Variants in INPP4B observed in about 807,000 individuals in gnomAD.
The protein encoded by INPP4B is inositol polyphosphate-4-phosphatase type II B.
INPP4B carries 55 observed loss-of-function variants against 122.5 expected under a neutral mutation model. That is an observed-to-expected ratio of 0.45 (90% CI 0.36 to 0.56). The LOEUF is 0.56. Ranked by LOEUF, INPP4B falls within the 20% of genes least tolerant of loss-of-function variation. INPP4B has a pLI of 0.00. For missense variants in INPP4B, 1,000 were observed against 1,097.7 expected, an observed-to-expected ratio of 0.91 and a Z score of 1.26; for synonymous variants, 403 against 388.7, an observed-to-expected ratio of 1.04 and a Z score of -0.43.
intron 3 of INPP4B, among the ~76,000 whole-genome samples, chr4:142,439,171 G>T (rs1181293399): frequency 6.6e-6 from 1 of 152,128 alleles, no homozygotes; most frequent in African/African-American, 2.4e-5. Flanking sequence ...AAGTATTATA[G>T]TCAGGCCATT....
chr4:142,717,907 C>CAAAAAA (rs33932611), intron 2 of INPP4B, among the ~76,000 whole-genome samples: 3 of 58,544 alleles, frequency 5.1e-5, no homozygotes, highest in East Asian at 5.7e-4. Flanking sequence ...AAAAAGAAAG[C>CAAAAAA]AAAAAAAAAA....
At chr4:142,703,624 G>T (rs753173734) in intron 2 of INPP4B, among the ~76,000 whole-genome samples, 6 of 152,100 alleles carry the variant, frequency 3.9e-5, no homozygotes, top group Admixed American at 6.5e-5. Flanking sequence ...TGTTTTCTCT[G>T]GGGCAGCTTA....
intron 2 of INPP4B, among the ~76,000 whole-genome samples, chr4:142,596,972 T>C (rs1738849570): frequency 6.6e-6 from 1 of 152,230 alleles, no homozygotes; most frequent in African/African-American, 2.4e-5. Context: ...ACGAGCAACA[T>C]CTTTTCCTGC....
intron 9 of INPP4B, among the ~76,000 whole-genome samples, chr4:142,288,979 C>T (rs910687867): frequency 3.9e-5 from 6 of 152,116 alleles, no homozygotes; most frequent in Non-Finnish European, 1.5e-5. Flanking sequence ...TCCTCTGCTT[C>T]ACTGATTCAG....
chr4:142,308,237 A>G (rs1764181975), intron 8 of INPP4B, among the ~76,000 whole-genome samples: 1 of 152,210 alleles, frequency 6.6e-6, no homozygotes, highest in Admixed American at 6.5e-5. Context: ...AAGGATAATG[A>G]AAATGGTCAC....
intron 9 of INPP4B, among the ~76,000 whole-genome samples, chr4:142,283,672 A>C (rs1300650589): frequency 6.6e-6 from 1 of 152,174 alleles, no homozygotes; most frequent in African/African-American, 2.4e-5. Flanking sequence ...TGGAAAAGGC[A>C]GAGCAAAAAT....
intron 1 of INPP4B, among the ~76,000 whole-genome samples, chr4:142,802,897 C>T (rs1181200423): frequency 1.3e-5 from 2 of 151,634 alleles, no homozygotes; most frequent in African/African-American, 4.8e-5. Context: ...AGGCTGGGTG[C>T]GGTGGCTCAT....
intron 2 of INPP4B, among the ~76,000 whole-genome samples, chr4:142,688,399 C>T (rs1475121091): frequency 6.6e-6 from 1 of 152,070 alleles, no homozygotes; most frequent in Non-Finnish European, 1.5e-5. Flanking sequence ...ATGTTATTTG[C>T]TTGTTCTGAA....
At chr4:142,818,572 T>C (rs565811697) in intron 1 of INPP4B, among the ~76,000 whole-genome samples, 45 of 152,152 alleles carry the variant, frequency 3.0e-4, no homozygotes, top group Non-Finnish European at 5.9e-4. Flanking sequence ...AAACATTTCA[T>C]TGACAATATA....
At chr4:142,135,583 G>A (rs1051927670) in intron 18 of INPP4B, among the ~76,000 whole-genome samples, 13 of 152,040 alleles carry the variant, frequency 8.6e-5, no homozygotes, top group African/African-American at 2.9e-4. Flanking sequence ...TGTCCACTTC[G>A]CTTGATTCAT....
intron 12 of INPP4B, among the ~76,000 whole-genome samples, chr4:142,212,991 A>G (rs568927046): frequency 1.2e-4 from 18 of 152,282 alleles, no homozygotes; most frequent in African/African-American, 3.9e-4. Context: ...ATTCCACTGT[A>G]CCATCAGGCC....
intron 18 of INPP4B, among the ~76,000 whole-genome samples, chr4:142,141,540 G>A (rs1015592376): frequency 7.2e-5 from 11 of 152,082 alleles, no homozygotes; most frequent in African/African-American, 2.7e-4. Context: ...CTTTGGAATA[G>A]TTATTCTATT....
chr4:142,113,685 A>T (rs1379471169), intron 21 of INPP4B, among the ~76,000 whole-genome samples: 1 of 152,002 alleles, frequency 6.6e-6, no homozygotes, highest in African/African-American at 2.4e-5. Context: ...AATTGCTCTC[A>T]ATGCCATTTA....
intron 2 of INPP4B, among the ~76,000 whole-genome samples, chr4:142,694,531 T>C (rs1760747617): frequency 6.6e-6 from 1 of 152,154 alleles, no homozygotes; most frequent in Non-Finnish European, 1.5e-5. Flanking sequence ...TCAAAACTGG[T>C]CAGGCAGGTC....
chr4:142,513,261 G>GA (rs1305863970), intron 2 of INPP4B, among the ~76,000 whole-genome samples: 2 of 152,124 alleles, frequency 1.3e-5, no homozygotes, highest in East Asian at 1.9e-4. Flanking sequence ...GGTGGCTTAT[G>GA]AAAAAACAAA....
chr4:142,214,850 AC>A (rs1846412922), intron 12 of INPP4B, among the ~76,000 whole-genome samples: 1 of 152,104 alleles, frequency 6.6e-6, no homozygotes, highest in African/African-American at 2.4e-5. Flanking sequence ...ACTGCGCCCG[AC>A]CCAGCACATT....
At chr4:142,075,388 G>T (rs1770055139) in intron 25 of INPP4B, among the ~76,000 whole-genome samples, 1 of 151,250 alleles carries the variant, frequency 6.6e-6, no homozygotes, top group Non-Finnish European at 1.5e-5. Context: ...TGCTCTCTGG[G>T]GGCCCCGGAT....
intron 2 of INPP4B, among the ~76,000 whole-genome samples, chr4:142,553,626 G>C (rs986069820): frequency 5.3e-5 from 8 of 152,154 alleles, no homozygotes; most frequent in African/African-American, 1.9e-4. Context: ...CTGGCTTCTA[G>C]GGTTCCCCAA....
chr4:142,743,318 A>C (rs1261064644), intron 1 of INPP4B, among the ~76,000 whole-genome samples: 3 of 152,006 alleles, frequency 2.0e-5, no homozygotes, highest in Non-Finnish European at 4.4e-5. Context: ...CTTAGAAGGC[A>C]GAGATTAGAG....
Sources: allele counts gnomAD v4.1 joint callset (sites outside exome capture counted in the v4.1 genomes callset), GRCh38; gene constraint gnomAD v4.1.1; transcripts MANE v1.5; gene names NCBI Gene and HGNC (gene_info 2026-07-23, HGNC 2026-07-21).